LRBA: variants seen among roughly 807,000 people sequenced by gnomAD.
The protein encoded by LRBA is lipopolysaccharide-responsive and beige-like anchor protein.
LRBA carries 176 observed loss-of-function variants against 330.0 expected under a neutral mutation model. The observed-to-expected ratio is 0.53, with a 90% CI of 0.47 to 0.60. The LOEUF (loss-of-function observed/expected upper bound fraction) is 0.60, where lower values mean the gene tolerates loss of function less well. Ranked by LOEUF, LRBA falls within the 20% of genes least tolerant of loss-of-function variation. LRBA has a pLI of 0.00. For missense variants in LRBA, 3,259 were observed against 3,444.8 expected (o/e 0.95, Z 1.35); for synonymous variants, 1,230 against 1,193.0 (o/e 1.03, Z -0.64).
chr4:150,985,052 G>T (rs1286751479), intron 2 of LRBA, among the ~76,000 whole-genome samples: 1 of 152,124 alleles, frequency 6.6e-6, no homozygotes, highest in Non-Finnish European at 1.5e-5. Context: ...AAGGTAGGGA[G>T]TTCAAGACCA....
intron 11 of LRBA, 40 bp downstream of exon 11, chr4:150,908,294 A>C: frequency 6.3e-7 from 1 of 1,587,050 alleles, no homozygotes; most frequent in South Asian, 1.2e-5. Context: ...GATGAAATTA[A>C]CCCTCACAGC....
chr4:150,745,609 T>A (rs13126388), intron 35 of LRBA, among the ~76,000 whole-genome samples: 2 of 151,956 alleles, frequency 1.3e-5, no homozygotes, highest in Non-Finnish European at 2.9e-5. Context: ...TCTGGCTCCC[T>A]GGTTCAAGCA....
intron 44 of LRBA, among the ~76,000 whole-genome samples, chr4:150,463,155 A>G (rs561333644): frequency 1.3e-5 from 2 of 152,106 alleles, no homozygotes; most frequent in African/African-American, 2.4e-5. Context: ...AATGAAAGCA[A>G]TTAGTACTAG....
chr4:150,345,281 CAT>C (rs1336392908), intron 48 of LRBA, among the ~76,000 whole-genome samples: 1 of 152,188 alleles, frequency 6.6e-6, no homozygotes, highest in Non-Finnish European at 1.5e-5. Flanking sequence ...AACCTTATTA[CAT>C]GATTCGGGTT....
At chr4:150,793,545 T>C (rs537079919) in intron 34 of LRBA, among the ~76,000 whole-genome samples, 3 of 152,190 alleles carry the variant, frequency 2.0e-5, no homozygotes, top group Non-Finnish European at 4.4e-5. Context: ...TTATCAATTA[T>C]ACAAGTACAT....
intron 40 of LRBA, among the ~76,000 whole-genome samples, chr4:150,534,707 C>T (rs1419247453): frequency 6.6e-6 from 1 of 152,122 alleles, no homozygotes; most frequent in Non-Finnish European, 1.5e-5. Flanking sequence ...GAAGAATTAA[C>T]ATTTAATATT....
At chr4:150,282,409 G>A in intron 55 of LRBA, 41 bp downstream of exon 55, 6 of 1,558,906 alleles carry the variant, frequency 3.8e-6, no homozygotes, top group Non-Finnish European at 5.3e-6. Context: ...CACACGTTGA[G>A]GTAAAAGTCG....
intron 40 of LRBA, among the ~76,000 whole-genome samples, chr4:150,515,214 G>A (rs1407596124): frequency 6.6e-6 from 1 of 152,082 alleles, no homozygotes; most frequent in Admixed American, 6.6e-5. Context: ...ACATTACCAA[G>A]GAGGGTATTT....
chr4:150,890,902 G>A (rs1369366713), intron 17 of LRBA, among the ~76,000 whole-genome samples: 1 of 151,810 alleles, frequency 6.6e-6, no homozygotes, highest in African/African-American at 2.4e-5. Flanking sequence ...ATACTATCTT[G>A]CAATTATTTT....
intron 56 of LRBA, among the ~76,000 whole-genome samples, chr4:150,273,517 C>A (rs1746395874): frequency 6.6e-6 from 1 of 151,776 alleles, no homozygotes; most frequent in Non-Finnish European, 1.5e-5. Flanking sequence ...CACAGACTGG[C>A]AAATTGGATA....
intron 19 of LRBA, among the ~76,000 whole-genome samples, chr4:150,870,818 T>C (rs1753340618): frequency 6.6e-6 from 1 of 152,190 alleles, no homozygotes; most frequent in Non-Finnish European, 1.5e-5. Flanking sequence ...AAATGAGACA[T>C]CAAATAGTTA....
intron 47 of LRBA, among the ~76,000 whole-genome samples, chr4:150,354,326 G>A (rs1157160448): frequency 6.6e-6 from 1 of 151,970 alleles, no homozygotes; most frequent in Non-Finnish European, 1.5e-5. Flanking sequence ...GGAATGCTGA[G>A]CATTTGAGAT....
chr4:150,908,399 T>C lies in LRBA; in HGVS notation c.1428A>G (p.Leu476=), dbSNP rs141641604. 1.4e-5 allele frequency: 23 copies of C among 1,610,828 alleles called. No individual in the cohort carries two copies. In the African/African-American group the frequency reaches 2.0e-4, roughly 14 times the overall value. Residue 476 remains leucine (L), a synonymous_variant, in exon 11 of 57, where the codon CTA becomes CTG. Transcript: ENST00000651943. The stretch of plus-strand genomic sequence containing the variant: ...AATCCAACTGTGCAAAAAGTGGAAA[T>C]AGTACTTGTACTCCTCCAATTGAAT... ...AMHSIGGVQV[L]FPLFAQLDYR...
intron 40 of LRBA, among the ~76,000 whole-genome samples, chr4:150,554,784 G>T (rs1016624944): frequency 6.6e-6 from 1 of 151,986 alleles, no homozygotes; most frequent in Non-Finnish European, 1.5e-5. Flanking sequence ...AGGCTTTTCA[G>T]GAATGTTATC....
chr4:150,780,501 T>C (rs1317871401), intron 34 of LRBA, among the ~76,000 whole-genome samples: 6 of 138,020 alleles, frequency 4.3e-5, no homozygotes, highest in Non-Finnish European at 6.4e-5. Context: ...GTATGCTTAA[T>C]GACTTTCCTG....
At chr4:150,973,444 G>A (rs1019876934) in intron 2 of LRBA, among the ~76,000 whole-genome samples, 5 of 152,152 alleles carry the variant, frequency 3.3e-5, no homozygotes, top group African/African-American at 1.2e-4. Context: ...TGGTATTACA[G>A]GCGTGAGCTA....
intron 48 of LRBA, among the ~76,000 whole-genome samples, chr4:150,327,794 TG>T (rs1733489014): frequency 1.3e-5 from 2 of 152,242 alleles, no homozygotes. Context: ...TTATTTCATG[TG>T]GGAGTTGGTG....
intron 40 of LRBA, among the ~76,000 whole-genome samples, chr4:150,522,814 T>C (rs1763064612): frequency 6.6e-6 from 1 of 152,180 alleles, no homozygotes; most frequent in African/African-American, 2.4e-5. Flanking sequence ...CCACCTAGAT[T>C]TTAAAGAATC....
chr4:150,899,377 C>A (rs1209909886), intron 14 of LRBA, among the ~76,000 whole-genome samples: 1 of 152,152 alleles, frequency 6.6e-6, no homozygotes, highest in African/African-American at 2.4e-5. Context: ...CAAATTCAGT[C>A]CTATGGTCAT....
Sources: allele counts gnomAD v4.1 joint callset (sites outside exome capture counted in the v4.1 genomes callset), GRCh38; gene constraint gnomAD v4.1.1; transcripts MANE v1.5; gene names NCBI Gene and HGNC (gene_info 2026-07-23, HGNC 2026-07-21).